The following KCND2 variants were observed in gnomAD, a reference collection of about 807,000 sequenced individuals.
The protein encoded by KCND2 is potassium voltage-gated channel subfamily D member 2, also known as A-type voltage-gated potassium channel KCND2.
In KCND2, 16 loss-of-function variants were observed where a neutral mutation model predicts 54.4. The observed-to-expected ratio is 0.29, with a 90% CI of 0.20 to 0.45. The LOEUF is 0.45. KCND2 is among the 20% of genes least tolerant of loss of function. The probability of loss-of-function intolerance (pLI) is 1.00; values close to 1 mark genes in which losing one functional copy is unlikely to be tolerated. For missense variants in KCND2, 486 were observed against 824.2 expected, an observed-to-expected ratio of 0.59 and a Z score of 5.02; for synonymous variants, 317 against 310.7, an observed-to-expected ratio of 1.02 and a Z score of -0.21.
At position 120,491,230 on chromosome 7, in the gene KCND2, G is replaced by A. The variant is rs997114889; in HGVS notation, c.1115+215483G>A. Among the ~76,000 whole-genome samples, 5 of 152,222 alleles carry A rather than the reference G, an allele frequency of 3.3e-5. No homozygotes were observed. In the East Asian group the frequency reaches 5.8e-4, roughly 18 times the overall value. On this transcript the variant is annotated intron_variant, in intron 1 of 5. Coordinates refer to ENST00000331113, the MANE Select transcript of KCND2 (RefSeq NM_012281.3). ...GGGTTCACTAAGTTGAAGATACCATGAGGAGCAAGAAAACTGTCTTGCTGG... is the reference window on the plus strand; with the variant it reads ...GGGTTCACTAAGTTGAAGATACCATAAGGAGCAAGAAAACTGTCTTGCTGG...
rs73721452 is a variant in KCND2 at position 120,691,436 on chromosome 7, C to T, written c.1116-41467C>T. Reference sequence around the variant, plus strand: ...CAGTAAATATATTTCAGATATTAAGCTGGCATAGTTTTCTGACAGATTGGA... The same window carrying T: ...CAGTAAATATATTTCAGATATTAAGTTGGCATAGTTTTCTGACAGATTGGA... On this transcript the variant is annotated intron_variant, in intron 1 of 5. Transcript: ENST00000331113. Among the ~76,000 whole-genome samples, 1,004 of 152,214 alleles carry T rather than the reference C, an allele frequency of 6.6e-3. 14 individuals carry two copies. The highest frequency in any genetic ancestry group is 0.023 in the African/African-American group (954 of 41,530).
At chr7:120,298,596 A>G (rs1033756154) in intron 1 of KCND2, among the ~76,000 whole-genome samples, 1 of 152,230 alleles carries the variant, frequency 6.6e-6, no homozygotes, top group Non-Finnish European at 1.5e-5. Context: ...ACCAGTCACA[A>G]AAAGTTTTCT....
intron 1 of KCND2, among the ~76,000 whole-genome samples, chr7:120,607,663 A>G (rs1792899728): frequency 6.6e-6 from 1 of 152,106 alleles, no homozygotes; most frequent in Non-Finnish European, 1.5e-5. Context: ...CTAATACACA[A>G]ATTAAACTTG....
At chr7:120,606,354 C>T (rs1023562577) in intron 1 of KCND2, among the ~76,000 whole-genome samples, 1 of 151,896 alleles carries the variant, frequency 6.6e-6, no homozygotes, top group African/African-American at 2.4e-5. Context: ...TTTCTTTGTC[C>T]TTTGAAGGAC....
chr7:120,727,354 T>A (rs1451548885), intron 1 of KCND2, among the ~76,000 whole-genome samples: 1 of 152,186 alleles, frequency 6.6e-6, no homozygotes, highest in Non-Finnish European at 1.5e-5. Flanking sequence ...AATTATGTTT[T>A]AAAATTATGC....
intron 1 of KCND2, among the ~76,000 whole-genome samples, chr7:120,514,230 CT>C (rs1174992747): frequency 6.6e-6 from 1 of 152,174 alleles, no homozygotes; most frequent in East Asian, 1.9e-4. Context: ...AAAAATTTTG[CT>C]CATGACCAGT....
intron 1 of KCND2, among the ~76,000 whole-genome samples, chr7:120,428,464 C>T (rs898356199): frequency 1.3e-5 from 2 of 152,104 alleles, no homozygotes; most frequent in African/African-American, 2.4e-5. Flanking sequence ...ATGTTTCACT[C>T]AAAGAGACAC....
At chr7:120,631,943 G>A (rs1793238939) in intron 1 of KCND2, among the ~76,000 whole-genome samples, 1 of 152,150 alleles carries the variant, frequency 6.6e-6, no homozygotes, top group Non-Finnish European at 1.5e-5. Flanking sequence ...AATGTATTCA[G>A]TATGTTGTGG....
At chr7:120,312,953 C>T (rs185164457) in intron 1 of KCND2, among the ~76,000 whole-genome samples, 2 of 152,302 alleles carry the variant, frequency 1.3e-5, no homozygotes, top group South Asian at 2.1e-4. Flanking sequence ...TGACTTCTAG[C>T]TCTGACAGCA....
chr7:120,406,249 A>G (rs1228063641), intron 1 of KCND2, among the ~76,000 whole-genome samples: 1 of 152,010 alleles, frequency 6.6e-6, no homozygotes, highest in Non-Finnish European at 1.5e-5. Flanking sequence ...ATAAAATTCA[A>G]AGTGGTGTAT....
At chr7:120,443,309 T>A (rs1376647262) in intron 1 of KCND2, among the ~76,000 whole-genome samples, 2 of 151,284 alleles carry the variant, frequency 1.3e-5, no homozygotes, top group African/African-American at 4.9e-5. Flanking sequence ...CAGAAAAATT[T>A]GAAGGTTTCA....
chr7:120,696,091 T>G (rs1792330006), intron 1 of KCND2, among the ~76,000 whole-genome samples: 1 of 152,166 alleles, frequency 6.6e-6, no homozygotes. Flanking sequence ...CCAAGCAACA[T>G]TTCTATTGCA....
At chr7:120,734,559 G>T (rs756465099) in intron 2 of KCND2, among the ~76,000 whole-genome samples, 1 of 152,048 alleles carries the variant, frequency 6.6e-6, no homozygotes, top group Non-Finnish European at 1.5e-5. Flanking sequence ...TCTCAGAAAA[G>T]CTATGTAAAT....
chr7:120,694,399 A>G (rs1328996969), intron 1 of KCND2, among the ~76,000 whole-genome samples: 1 of 152,172 alleles, frequency 6.6e-6, no homozygotes. Context: ...TAAGACAGGC[A>G]CAATCCATAA....
At chr7:120,692,941 C>T (rs528805919) in intron 1 of KCND2, among the ~76,000 whole-genome samples, 9 of 151,960 alleles carry the variant, frequency 5.9e-5, no homozygotes, top group East Asian at 5.8e-4. Context: ...ACATTTTCCC[C>T]GCAAAGGAAA....
At chr7:120,357,183 A>G (rs1042498811) in intron 1 of KCND2, among the ~76,000 whole-genome samples, 1 of 152,140 alleles carries the variant, frequency 6.6e-6, no homozygotes, top group Non-Finnish European at 1.5e-5. Flanking sequence ...AAGTGCCACC[A>G]GAAATTAAAA....
chr7:120,623,196 T>C (rs1793123467), intron 1 of KCND2, among the ~76,000 whole-genome samples: 1 of 152,154 alleles, frequency 6.6e-6, no homozygotes, highest in Non-Finnish European at 1.5e-5. Flanking sequence ...ACTGCCAAGA[T>C]TGGAAACAAG....
chr7:120,400,458 A>G lies in KCND2; in HGVS notation c.1115+124711A>G, dbSNP rs531213396. Among the ~76,000 whole-genome samples, 13 of 152,300 alleles carry G rather than the reference A, an allele frequency of 8.5e-5. No homozygotes were observed. In the East Asian group the frequency reaches 1.5e-3, roughly 18 times the overall value. On this transcript the variant is annotated intron_variant, in intron 1 of 5. Transcript: ENST00000331113. ...AAGTAACACGTTTCCATGTGTATCT[A>G]TTGATTGTCTGTCTTTCCCACTGGA... is the stretch of plus-strand genomic sequence containing the variant.
chr7:120,461,236 T>C (rs943535282), intron 1 of KCND2, among the ~76,000 whole-genome samples: 4 of 152,210 alleles, frequency 2.6e-5, no homozygotes, highest in African/African-American at 9.6e-5. Context: ...GGATCGCAGA[T>C]AATTAGCATT....
Sources: allele counts gnomAD v4.1 joint callset (sites outside exome capture counted in the v4.1 genomes callset), GRCh38; gene constraint gnomAD v4.1.1; transcripts MANE v1.5; gene names NCBI Gene and HGNC (gene_info 2026-07-23, HGNC 2026-07-21).